The following PDE1A variants were observed in gnomAD, a reference collection of about 807,000 sequenced individuals.
PDE1A encodes the protein phosphodiesterase 1A.
Under a neutral mutation model 61.7 loss-of-function variants are expected in PDE1A, and 35 were observed. The ratio of observed to expected loss-of-function variants is 0.57; its 90% CI spans 0.43 to 0.75. PDE1A has a LOEUF of 0.75. Among genes scored for constraint, PDE1A ranks in the 30% least tolerant of loss-of-function variants. The pLI, the probability that PDE1A is intolerant of heterozygous loss-of-function variation, is 0.00. For synonymous variants in PDE1A, 232 were observed against 213.2 expected, an observed-to-expected ratio of 1.09 and a Z score of -0.77; for missense variants, 597 against 630.6, an observed-to-expected ratio of 0.95 and a Z score of 0.57.
chr2:182,215,635 C>A (rs1456289438), intron 7 of PDE1A, among the ~76,000 whole-genome samples: 1 of 132,948 alleles, frequency 7.5e-6, no homozygotes, highest in African/African-American at 2.9e-5. Flanking sequence ...ATACTACAAA[C>A]ACCTCTACGC....
At chr2:182,486,884 C>T (rs1363706721) in intron 2 of PDE1A, among the ~76,000 whole-genome samples, 1 of 151,994 alleles carries the variant, frequency 6.6e-6, no homozygotes, top group Non-Finnish European at 1.5e-5. Flanking sequence ...AAGATTAAGA[C>T]ACTAAAAGCA....
the PDE1A span, among the ~76,000 whole-genome samples, chr2:182,546,332 T>C: frequency 1.3e-5 from 2 of 151,932 alleles, no homozygotes; most frequent in Admixed American, 1.3e-4. Flanking sequence ...ATTTTGCTTA[T>C]ATCCATTCCA....
chr2:182,624,713 A>G, the PDE1A span, among the ~76,000 whole-genome samples: 1 of 152,162 alleles, frequency 6.6e-6, no homozygotes, highest in Non-Finnish European at 1.5e-5. Context: ...CTATACCTCA[A>G]CCACATTTCT....
At chr2:182,704,852 A>G in the PDE1A span, among the ~76,000 whole-genome samples, 1 of 152,266 alleles carries the variant, frequency 6.6e-6, no homozygotes, top group Non-Finnish European at 1.5e-5. Context: ...AATTATCATG[A>G]AAGTAGTTTT....
chr2:182,681,898 G>C, the PDE1A span, among the ~76,000 whole-genome samples: 2 of 150,014 alleles, frequency 1.3e-5, no homozygotes, highest in Non-Finnish European at 3.0e-5. Flanking sequence ...CGCTCACCTC[G>C]GCCTCCCAAA....
intron 2 of PDE1A, among the ~76,000 whole-genome samples, chr2:182,475,422 A>G (rs940714808): frequency 2.0e-5 from 3 of 151,952 alleles, no homozygotes; most frequent in African/African-American, 7.2e-5. Flanking sequence ...TGTGTTTTAT[A>G]TACAGTATCT....
At chr2:182,177,001 T>C (rs371698508) in intron 13 of PDE1A, among the ~76,000 whole-genome samples, 2 of 150,770 alleles carry the variant, frequency 1.3e-5, no homozygotes, top group Admixed American at 1.3e-4. Context: ...TTGATTTGCG[T>C]ATATTGAACC....
intron 5 of PDE1A, among the ~76,000 whole-genome samples, chr2:182,230,746 T>C (rs750478642): frequency 6.6e-6 from 1 of 152,156 alleles, no homozygotes; most frequent in Non-Finnish European, 1.5e-5. Flanking sequence ...CCAAACCCTA[T>C]GTGAGTGTTT....
the PDE1A span, among the ~76,000 whole-genome samples, chr2:182,707,775 A>G: frequency 6.6e-6 from 1 of 152,176 alleles, no homozygotes; most frequent in Non-Finnish European, 1.5e-5. Context: ...GACTTATTTT[A>G]TGAGTCCAGC....
At chr2:182,494,899 T>C (rs1688617100) in intron 2 of PDE1A, among the ~76,000 whole-genome samples, 1 of 152,180 alleles carries the variant, frequency 6.6e-6, no homozygotes, top group Admixed American at 6.5e-5. Flanking sequence ...CTTGTGAGAT[T>C]CCCTTCTCCC....
intron 1 of PDE1A, among the ~76,000 whole-genome samples, chr2:182,396,141 C>A (rs1455030662): frequency 6.6e-6 from 1 of 152,200 alleles, no homozygotes; most frequent in East Asian, 1.9e-4. Context: ...GCCCCGATGG[C>A]CTCATGTGGA....
At chr2:182,651,576 A>G in the PDE1A span, among the ~76,000 whole-genome samples, 1 of 152,352 alleles carries the variant, frequency 6.6e-6, no homozygotes, top group African/African-American at 2.4e-5. Context: ...AAATTTATTC[A>G]AAGGAATTCT....
intron 2 of PDE1A, among the ~76,000 whole-genome samples, chr2:182,449,043 T>TAC (rs1342188939): frequency 3.5e-5 from 3 of 86,484 alleles, no homozygotes; most frequent in African/African-American, 1.5e-4. Flanking sequence ...GATCACATCA[T>TAC]ACACATACAC....
the PDE1A span, among the ~76,000 whole-genome samples, chr2:182,694,288 G>A: frequency 1.3e-5 from 2 of 152,180 alleles, no homozygotes; most frequent in African/African-American, 4.8e-5. Context: ...GACCACAAAT[G>A]TATGGGTTTG....
the PDE1A span, among the ~76,000 whole-genome samples, chr2:182,645,391 CTT>C: frequency 6.6e-6 from 1 of 152,302 alleles, no homozygotes; most frequent in Admixed American, 6.5e-5. Context: ...AAAATTGTCA[CTT>C]ATTATAAAAT....
intron 7 of PDE1A, among the ~76,000 whole-genome samples, chr2:182,217,190 G>T (rs80138211): frequency 3.3e-5 from 3 of 90,620 alleles, no homozygotes; most frequent in Non-Finnish European, 6.4e-5. Flanking sequence ...TTTAATAAAT[G>T]GTGCTGGGAA....
At chr2:182,409,142 A>G (rs565897018) in intron 1 of PDE1A, among the ~76,000 whole-genome samples, 1 of 152,030 alleles carries the variant, frequency 6.6e-6, no homozygotes, top group African/African-American at 2.4e-5. Context: ...TCATTTTTCA[A>G]TCCTCCTCCC....
chr2:182,520,380 A>C (rs1179490220), intron 2 of PDE1A, among the ~76,000 whole-genome samples: 2 of 151,936 alleles, frequency 1.3e-5, no homozygotes, highest in Non-Finnish European at 2.9e-5. Flanking sequence ...TCAGTTAGAT[A>C]ATGATTTTTA....
At chr2:182,430,147 A>G (rs911140685), upstream of PDE1A, among the ~76,000 whole-genome samples, 3 of 151,936 alleles carry the variant, frequency 2.0e-5, no homozygotes, top group Admixed American at 1.3e-4. Context: ...AGCAAAAGAA[A>G]CTACCATCAG....
Sources: allele counts gnomAD v4.1 joint callset (sites outside exome capture counted in the v4.1 genomes callset), GRCh38; gene constraint gnomAD v4.1.1; transcripts MANE v1.5; gene names NCBI Gene and HGNC (gene_info 2026-07-23, HGNC 2026-07-21).